The following LPIN1 variants were observed in gnomAD, a reference collection of about 807,000 sequenced individuals.
LPIN1 encodes the protein lipin 1, also known as phosphatidate phosphatase LPIN1.
In LPIN1, 71 loss-of-function variants were observed where a neutral mutation model predicts 107.5. The observed-to-expected ratio is 0.66, with a 90% CI of 0.55 to 0.80. LPIN1 has a LOEUF of 0.80. LPIN1 is among the 30% of genes least tolerant of loss of function. The pLI is 0.00. For missense variants in LPIN1, 1,043 were observed against 1,160.6 expected (o/e 0.90, Z 1.47); for synonymous variants, 445 against 452.6 (o/e 0.98, Z 0.21).
chr2:11,696,016 A>C (rs1459111830), intron 1 of LPIN1, among the ~76,000 whole-genome samples: 1 of 143,904 alleles, frequency 6.9e-6, no homozygotes, highest in Non-Finnish European at 1.5e-5. Flanking sequence ...ATCCTTCACC[A>C]TCCTATGGCT....
At chr2:11,799,764 A>G (rs559780584) in intron 14 of LPIN1, among the ~76,000 whole-genome samples, 28 of 152,130 alleles carry the variant, frequency 1.8e-4, no homozygotes, top group Middle Eastern at 3.4e-3. Context: ...TTTTGGGTGG[A>G]TGTGATTCAG....
chr2:11,695,518 A>C (rs1183120726), intron 1 of LPIN1, among the ~76,000 whole-genome samples: 1 of 152,170 alleles, frequency 6.6e-6, no homozygotes, highest in Non-Finnish European at 1.5e-5. Flanking sequence ...AAGAGAAGGC[A>C]TCTAGAGATG....
chr2:11,748,241 G>T (rs1255243081), intron 1 of LPIN1, among the ~76,000 whole-genome samples: 1 of 152,216 alleles, frequency 6.6e-6, no homozygotes, highest in Non-Finnish European at 1.5e-5. Context: ...TCTTTGCGTG[G>T]TCAGCTGCAC....
At chr2:11,762,850 A>G (rs1382825110) in intron 1 of LPIN1, among the ~76,000 whole-genome samples, 1 of 152,174 alleles carries the variant, frequency 6.6e-6, no homozygotes, top group Non-Finnish European at 1.5e-5. Flanking sequence ...AGGTTCACAC[A>G]CGTGGTGTTT....
Position 11,771,555 on chromosome 2 carries a change from A to G in LPIN1, c.472A>G (p.Arg158Gly), listed in dbSNP as rs754899623. The G allele has an allele frequency of 1.2e-6, 2 of 1,614,066 alleles. No individual in the cohort carries two copies. Among genetic ancestry groups the G allele is most frequent in the Non-Finnish European group, 1.7e-6 (2 of 1,179,972 alleles). The change falls in exon 4 of 21, where the codon AGG becomes GGG. Residue 158 changes from arginine (R) to glycine (G), a missense_variant. Arg to Gly is a moderately radical substitution (Grantham distance 125). Transcript: ENST00000674199. This position sits in a 1 kb window ranked among gnomAD's most constrained non-coding sequence, Gnocchi z 4.8. ...CTCTGTAGTAAAGAAGAGAAGAAAA[A>G]GGAGGAGAAAGTCACAGCTGGACAG... ...SSSVVKKRRK[R>G]RRKSQLDSLK...
rs559216133 is a variant in LPIN1 at position 11,771,404 on chromosome 2, C to G, written c.321C>G (p.Pro107=). 11 of 1,614,126 alleles carry G rather than the reference C, an allele frequency of 6.8e-6. No individual in the cohort carries two copies. The South Asian group carries it at 8.8e-5, about 13-fold the overall frequency. ...TCCCTATGCACCTGGCCACCTCCCC[C>G]ATCCTGTCAGAAGGAGCTTCGAGAA... ...EVIPMHLATS[P]ILSEGASRME... Residue 107 remains proline (P), a synonymous_variant, in exon 4 of 21, where the codon CCC becomes CCG. Coordinates refer to ENST00000674199, the MANE Select transcript of LPIN1 (RefSeq NM_001349206.2). The surrounding 1 kb of genome is among the most constrained non-coding windows in gnomAD (Gnocchi z 4.8).
Position 11,779,529 on chromosome 2 carries a change from T to A in LPIN1, c.841T>A (p.Ser281Thr). 1 of 1,613,734 alleles carries A rather than the reference T, an allele frequency of 6.2e-7. No individual in the cohort carries two copies. Among genetic ancestry groups the A allele is most frequent in the African/African-American group, 1.3e-5 (1 of 75,052 alleles). ...LFHPSESPSG[S>T]RPSTPKSDSE... ...TGTGTTTTCCTTAAGTCCTTCCGGTTCCCGACCTTCAACACCTAAAAGTGA... is the reference window on the plus strand; with the variant it reads ...TGTGTTTTCCTTAAGTCCTTCCGGTACCCGACCTTCAACACCTAAAAGTGA... Residue 281 changes from serine (S) to threonine (T), a missense_variant, in exon 7 of 21, where the codon TCC becomes ACC. By Grantham distance (58) the Ser-to-Thr change is moderately conservative. Coordinates refer to ENST00000674199, the MANE Select transcript of LPIN1 (RefSeq NM_001349206.2).
chr2:11,817,446 G>C (rs1680758228), intron 18 of LPIN1: 1 of 152,152 alleles, frequency 6.6e-6, no homozygotes, highest in Non-Finnish European at 1.5e-5. Flanking sequence ...TGCTTTTTGT[G>C]TATTACCAAA....
At chr2:11,769,241 T>C (rs1267049813) in intron 3 of LPIN1, among the ~76,000 whole-genome samples, 1 of 152,254 alleles carries the variant, frequency 6.6e-6, no homozygotes, top group African/African-American at 2.4e-5. Flanking sequence ...TTTTCTGATT[T>C]TGTGATTCTA....
chr2:11,700,818 G>A (rs182846885), intron 1 of LPIN1, among the ~76,000 whole-genome samples: 2 of 152,262 alleles, frequency 1.3e-5, no homozygotes, highest in African/African-American at 4.8e-5. Context: ...ATTCGTCCTC[G>A]CTCTGTGGCA....
chr2:11,728,708 G>GT (rs61415061), intron 1 of LPIN1, among the ~76,000 whole-genome samples: 3,207 of 151,598 alleles, frequency 0.021, 125 homozygotes, highest in African/African-American at 0.073. Flanking sequence ...TCTGTTCTTT[G>GT]TTTTTTTTCT....
chr2:11,695,467 T>G (rs1340480729), intron 1 of LPIN1, among the ~76,000 whole-genome samples: 1 of 151,740 alleles, frequency 6.6e-6, no homozygotes, highest in Non-Finnish European at 1.5e-5. Flanking sequence ...AGGTGGAGTA[T>G]TTGAGGAATA....
chr2:11,731,750 ATAAT>A (rs1355305323), intron 1 of LPIN1, among the ~76,000 whole-genome samples: 2 of 152,076 alleles, frequency 1.3e-5, no homozygotes, highest in Non-Finnish European at 2.9e-5. Flanking sequence ...TGACTTTTTA[ATAAT>A]TGCCTTTCCA....
chr2:11,749,957 T>A (rs1667540788), intron 1 of LPIN1, among the ~76,000 whole-genome samples: 1 of 152,270 alleles, frequency 6.6e-6, no homozygotes. Context: ...CACTTTGCTC[T>A]GTAAGGAGGC....
chr2:11,715,171 A>G (rs1474160581), intron 2 of LPIN1, among the ~76,000 whole-genome samples: 1 of 152,222 alleles, frequency 6.6e-6, no homozygotes, highest in Non-Finnish European at 1.5e-5. Context: ...CGCAGGCCAC[A>G]TAGTCATGGA....
intron 1 of LPIN1, among the ~76,000 whole-genome samples, chr2:11,727,853 T>TC (rs1230551307): frequency 6.6e-6 from 1 of 152,222 alleles, no homozygotes; most frequent in African/African-American, 2.4e-5. Flanking sequence ...ATCCACCAGT[T>TC]CCACATCCAT....
chr2:11,799,655 C>T (rs762386002), intron 14 of LPIN1, among the ~76,000 whole-genome samples: 1 of 151,980 alleles, frequency 6.6e-6, no homozygotes, highest in Non-Finnish European at 1.5e-5. Flanking sequence ...CCCACTGAGG[C>T]CCAGGGAGGA....
intron 1 of LPIN1, among the ~76,000 whole-genome samples, chr2:11,684,415 T>C (rs908831441): frequency 4.0e-4 from 61 of 152,316 alleles, no homozygotes; most frequent in African/African-American, 1.4e-3. Context: ...TAGCCTCAAA[T>C]GATCCTCCTG....
chr2:11,782,896 G>A (rs1441352783), intron 8 of LPIN1, among the ~76,000 whole-genome samples: 1 of 152,080 alleles, frequency 6.6e-6, no homozygotes, highest in African/African-American at 2.4e-5. Context: ...TGTAATTTCT[G>A]CATATCATTT....
Sources: gnomAD v4.1 joint callset for allele counts (sites outside exome capture counted in the v4.1 genomes callset) on GRCh38, gnomAD v4.1.1 for gene constraint, Gnocchi (gnomAD v3.1) non-coding constraint, MANE v1.5 for transcripts, NCBI Gene and HGNC (gene_info 2026-07-23, HGNC 2026-07-21) for gene names.